The following ADGB variants were observed in gnomAD, a reference collection of about 807,000 sequenced individuals.
The protein encoded by ADGB is calpain-7-like protein.
In ADGB, 172 loss-of-function variants were observed where a neutral mutation model predicts 210.5. That is an observed-to-expected ratio of 0.82 (90% confidence interval 0.72 to 0.93). ADGB has a LOEUF of 0.93. Among genes scored for constraint, ADGB ranks in the 40% least tolerant of loss-of-function variants. The pLI, the probability that ADGB is intolerant of heterozygous loss-of-function variation, is 0.00. For missense variants in ADGB, 2,025 were observed against 1,964.8 expected, an observed-to-expected ratio of 1.03 and a Z score of -0.58; for synonymous variants, 658 against 662.7, an observed-to-expected ratio of 0.99 and a Z score of 0.11.
intron 2 of ADGB, among the ~76,000 whole-genome samples, chr6:146,640,155 C>T (rs917240373): frequency 4.6e-5 from 7 of 151,900 alleles, no homozygotes; most frequent in Non-Finnish European, 8.8e-5. Flanking sequence ...AACTACAAAA[C>T]CTAGAAGAGA....
chr6:146,721,907 G>T (rs1170706787), intron 17 of ADGB, among the ~76,000 whole-genome samples: 1 of 151,904 alleles, frequency 6.6e-6, no homozygotes. Flanking sequence ...TCCCTTTCCA[G>T]AGTTTCTCCA....
chr6:146,617,377 C>A (rs931840587), intron 1 of ADGB, among the ~76,000 whole-genome samples: 1 of 152,128 alleles, frequency 6.6e-6, no homozygotes, highest in Non-Finnish European at 1.5e-5. Flanking sequence ...GATCATGTCA[C>A]CTGGGAGCAA....
chr6:146,744,955 T>C (rs1777208148), intron 25 of ADGB, among the ~76,000 whole-genome samples: 1 of 152,160 alleles, frequency 6.6e-6, no homozygotes, highest in Non-Finnish European at 1.5e-5. Context: ...TATCAATACA[T>C]ATGTGCATTA....
rs1234863360 is a variant in ADGB at position 146,689,846 on chromosome 6, T to C, written c.1312-1270T>C. Among the ~76,000 whole-genome samples the C allele has an allele frequency of 5.3e-5, 8 of 152,180 alleles. No individual in the cohort carries two copies. In the South Asian group the frequency reaches 1.4e-3, roughly 28 times the overall value. On this transcript the variant is annotated intron_variant, in intron 10 of 35. Coordinates refer to ENST00000397944, the MANE Select transcript of ADGB (RefSeq NM_024694.4). ...AGGGTTCAAGTTATAGAAAAAGGTT[T>C]AGATCTTAGAACATCTATGAAAAAG...
At chr6:146,602,765 A>G (rs569905653) in intron 1 of ADGB, among the ~76,000 whole-genome samples, 2 of 152,158 alleles carry the variant, frequency 1.3e-5, no homozygotes, top group East Asian at 3.9e-4. Flanking sequence ...TTTCCCCCTG[A>G]GCTCCTCATC....
rs190675042 is a variant in ADGB, at chr6:146,809,797, A to G, written c.4819-5235A>G. Reference sequence around the variant, plus strand: ...TAAAATAGGAACATTGCCCTATGCTATACAAAAAAATTAAATAGATTAAAG... The same window carrying G: ...TAAAATAGGAACATTGCCCTATGCTGTACAAAAAAATTAAATAGATTAAAG... On this transcript the variant is annotated intron_variant, in intron 35 of 35. Coordinates refer to ENST00000397944, the MANE Select transcript of ADGB (RefSeq NM_024694.4). Among the ~76,000 whole-genome samples, 1,246 of 152,330 alleles carry G rather than the reference A, an allele frequency of 8.2e-3. 8 individuals are homozygous for G. The highest frequency in any genetic ancestry group is 0.028 in the African/African-American group (1,158 of 41,570).
intron 1 of ADGB, among the ~76,000 whole-genome samples, chr6:146,600,809 T>C (rs1780543782): frequency 6.6e-6 from 1 of 152,142 alleles, no homozygotes; most frequent in Middle Eastern, 3.4e-3. Flanking sequence ...ACTTAGATAG[T>C]TCCAAGATCA....
In ADGB at chr6:146,750,058, G is replaced by T. The variant is rs767643818; in HGVS notation, c.3366-2472G>T. Among the ~76,000 whole-genome samples, 9 of 152,068 alleles carry T rather than the reference G, an allele frequency of 5.9e-5. No individual in the cohort carries two copies. The South Asian group carries it at 8.3e-4, about 14-fold the overall frequency. On this transcript the variant is annotated intron_variant, in intron 26 of 35. Coordinates refer to ENST00000397944, the MANE Select transcript of ADGB (RefSeq NM_024694.4). The stretch of plus-strand genomic sequence containing the variant: ...CTGATGGAGTAGGCACGTGGAAGGT[G>T]GTAAGATAAGGAGAGTTGTCTGCTT...
intron 2 of ADGB, among the ~76,000 whole-genome samples, chr6:146,637,885 C>G (rs1404481634): frequency 6.6e-6 from 1 of 151,938 alleles, no homozygotes; most frequent in Non-Finnish European, 1.5e-5. Flanking sequence ...CCAACTCATT[C>G]CATGAGAACA....
At chr6:146,801,014 A>G (rs1316584780) in intron 33 of ADGB, among the ~76,000 whole-genome samples, 169 bp from the exon 34 acceptor site, 1 of 151,666 alleles carries the variant, frequency 6.6e-6, no homozygotes, top group Non-Finnish European at 1.5e-5. Context: ...AACAAAATAT[A>G]AGCATATAAT....
intron 7 of ADGB, among the ~76,000 whole-genome samples, chr6:146,667,554 G>A (rs1293903453): frequency 6.6e-6 from 1 of 151,836 alleles, no homozygotes; most frequent in Non-Finnish European, 1.5e-5. Context: ...TCATATTTTG[G>A]GGTGGCATGT....
intron 16 of ADGB, among the ~76,000 whole-genome samples, chr6:146,719,437 A>AT (rs11382374): frequency 0.35 from 52,625 of 151,710 alleles, 9,657 homozygotes; most frequent in African/African-American, 0.44. Flanking sequence ...ATTTCCCTGA[A>AT]TTTTTTTTAA....
chr6:146,651,849 G>A (rs1330063682), intron 3 of ADGB, among the ~76,000 whole-genome samples: 1 of 152,090 alleles, frequency 6.6e-6, no homozygotes. Flanking sequence ...ATGGCTAACA[G>A]CAAGAAAGGA....
At chr6:146,802,886 A>C in intron 35 of ADGB, 1 of 1,610,458 alleles carries the variant, frequency 6.2e-7, no homozygotes, top group Non-Finnish European at 8.5e-7. Flanking sequence ...CTGTTCCCAT[A>C]ATCCACTTAA....
intron 35 of ADGB, among the ~76,000 whole-genome samples, chr6:146,808,409 T>C (rs1264592969): frequency 2.6e-5 from 4 of 152,178 alleles, no homozygotes; most frequent in African/African-American, 9.6e-5. Context: ...TAGCAACCCA[T>C]CATGGTCACC....
At position 146,801,887 on chromosome 6, in the gene ADGB, A is replaced by G; in HGVS notation, c.4694A>G (p.Gln1565Arg). 1 of 1,551,036 alleles carries G rather than the reference A, an allele frequency of 6.4e-7. No homozygotes were observed. The highest frequency in any genetic ancestry group is 8.7e-7 in the Non-Finnish European group (1 of 1,146,694). ...GAATTGAATCAGCAGCAGGCAATGC[A>G]AAAGGCGGAAGAAATTCATCAGTTT... is the stretch of plus-strand genomic sequence containing the variant. ...TDELNQQQAM[Q>R]KAEEIHQFRQ... Residue 1565 changes from glutamine to arginine, a missense_variant, in exon 35 of 36, where the codon CAA becomes CGA. Physicochemically the swap from Gln to Arg is conservative, Grantham distance 43 (BLOSUM62 1). Coordinates refer to ENST00000397944, the MANE Select transcript of ADGB (RefSeq NM_024694.4).
chr6:146,644,917 C>G, intron 3 of ADGB, 52 bp downstream of exon 3: 1 of 1,110,218 alleles, frequency 9.0e-7, no homozygotes, highest in Non-Finnish European at 1.2e-6. Flanking sequence ...GATGTATTAT[C>G]CTACTGATAA....
At chr6:146,803,242 G>A in intron 35 of ADGB, 2 of 1,570,996 alleles carry the variant, frequency 1.3e-6, no homozygotes, top group Non-Finnish European at 1.8e-6. Flanking sequence ...AACAAAACTT[G>A]GACCATTGTT....
chr6:146,740,362 A>G, intron 23 of ADGB, 97 bp from the exon 24 acceptor site: 1 of 1,105,210 alleles, frequency 9.0e-7, no homozygotes, highest in Non-Finnish European at 1.3e-6. Flanking sequence ...ATGACTTGCA[A>G]TATCTTATAC....
Sources: gnomAD v4.1 joint callset for allele counts (sites outside exome capture counted in the v4.1 genomes callset) on GRCh38, gnomAD v4.1.1 for gene constraint, MANE v1.5 for transcripts, NCBI Gene and HGNC (gene_info 2026-07-23, HGNC 2026-07-21) for gene names.